Variants in RNFT2 observed in about 807,000 individuals in gnomAD.
RNFT2 encodes E3 ubiquitin-protein ligase RNFT2.
In RNFT2, 36 loss-of-function variants were observed where a neutral mutation model predicts 53.0. The ratio of observed to expected loss-of-function variants is 0.68; its 90% CI spans 0.52 to 0.90. The LOEUF is 0.90. Among genes scored for constraint, RNFT2 ranks in the 40% least tolerant of loss-of-function variants. RNFT2 has a pLI of 0.00. For synonymous variants in RNFT2, 260 were observed against 253.2 expected, an observed-to-expected ratio of 1.03 and a Z score of -0.26; for missense variants, 514 against 585.6, an observed-to-expected ratio of 0.88 and a Z score of 1.26.
intron 5 of RNFT2, among the ~76,000 whole-genome samples, chr12:116,763,735 C>T (rs1375926247): frequency 2.0e-5 from 3 of 149,850 alleles, no homozygotes; most frequent in East Asian, 2.0e-4. Context: ...GCCGAGATCG[C>T]GCCACTGCAC....
rs1872215706 is a variant in RNFT2 at position 116,750,900 on chromosome 12, ATATATATAT to A, written c.550+595_550+603del. Among the ~76,000 whole-genome samples, 4 of 10,648 alleles carry A rather than the reference ATATATATAT, an allele frequency of 3.8e-4. No individual in the cohort carries two copies. In the South Asian group the frequency reaches 0.019, roughly 51 times the overall value. 7.0% of individuals were successfully genotyped at this position (10,648 alleles called of 152,430 possible). A position where few individuals can be genotyped will look rare whatever the true frequency, so the allele number is the denominator to read the frequency against. ...TATATATTATATATATAATATATAT[ATATATATAT>A]TTTTTTTTGAGACAGGGTCTTGCTC... is the stretch of plus-strand genomic sequence containing the variant. On this transcript the variant is annotated intron_variant, in intron 4 of 10. Coordinates refer to ENST00000257575, the MANE Select transcript of RNFT2 (RefSeq NM_001382266.1).
chr12:116,765,376 A>G lies in RNFT2; in HGVS notation c.628-1438A>G, dbSNP rs140591014. On this transcript the variant is annotated intron_variant, in intron 5 of 10. Transcript: ENST00000257575. ...TGGAATAATGGGTGGATGGAGATGCATTTGTTTCGTCCACTCTCTGGAAAT... is the reference window on the plus strand; with the variant it reads ...TGGAATAATGGGTGGATGGAGATGCGTTTGTTTCGTCCACTCTCTGGAAAT... Among the ~76,000 whole-genome samples, 339 of 152,294 alleles carry G rather than the reference A, an allele frequency of 2.2e-3. 3 individuals carry two copies. The Middle Eastern group carries it at 0.024, about 11-fold the overall frequency.
At chr12:116,819,433 G>A (rs1368033253) in intron 7 of RNFT2, among the ~76,000 whole-genome samples, 2 of 152,100 alleles carry the variant, frequency 1.3e-5, no homozygotes, top group African/African-American at 4.8e-5. Context: ...TCATCGGCCG[G>A]CGCCGTCCCG....
intron 10 of RNFT2, among the ~76,000 whole-genome samples, chr12:116,838,037 GT>G (rs1385145028): frequency 1.3e-5 from 2 of 151,610 alleles, no homozygotes; most frequent in African/African-American, 4.9e-5. Flanking sequence ...AAAAACATAA[GT>G]TATAGTACAT....
chr12:116,753,142 CTTTTTCTTTT>C (rs1566070540), intron 4 of RNFT2, among the ~76,000 whole-genome samples: 4 of 70,904 alleles, frequency 5.6e-5, no homozygotes, highest in Non-Finnish European at 9.0e-5. Context: ...TTTCTTTTTT[CTTTTTCTTTT>C]TTTTTTTTTT....
At position 116,852,496 on chromosome 12, in the gene RNFT2, A is replaced by G; in HGVS notation, c.*3048A>G. The G allele has an allele frequency of 6.6e-7, 1 of 1,504,920 alleles. No homozygotes were observed. Among genetic ancestry groups the G allele is most frequent in the South Asian group, 1.3e-5 (1 of 74,572 alleles). 93.2% of individuals were successfully genotyped at this position (1,504,920 alleles called of 1,614,324 possible). Reference sequence around the variant, plus strand: ...GCGATGGCCATGATGTTACAATCCCACTTGCCTGAATAATCAAGTGGGAAG... The same window carrying G: ...GCGATGGCCATGATGTTACAATCCCGCTTGCCTGAATAATCAAGTGGGAAG... On this transcript the variant is annotated 3_prime_UTR_variant, in exon 11 of 11. Coordinates refer to ENST00000257575, the MANE Select transcript of RNFT2 (RefSeq NM_001382266.1).
chr12:116,765,778 A>G (rs1872887386), intron 5 of RNFT2, among the ~76,000 whole-genome samples: 1 of 152,178 alleles, frequency 6.6e-6, no homozygotes, highest in South Asian at 2.1e-4. Context: ...GGCTTTGAGA[A>G]TTAGGTATAT....
At chr12:116,820,612 T>C (rs1875964175) in intron 7 of RNFT2, among the ~76,000 whole-genome samples, 1 of 152,074 alleles carries the variant, frequency 6.6e-6, no homozygotes, top group African/African-American at 2.4e-5. Flanking sequence ...GCTTGTATCT[T>C]TTCTTTCTCT....
chr12:116,785,967 G>C (rs1318895449), intron 7 of RNFT2, among the ~76,000 whole-genome samples: 21 of 152,076 alleles, frequency 1.4e-4, no homozygotes, highest in Admixed American at 1.4e-3. Context: ...TGGGAAGATT[G>C]CTTGAGCCCA....
Position 116,853,360 on chromosome 12 carries a change from A to T in RNFT2, c.*3912A>T, listed in dbSNP as rs1878018232. ...TCCTTAGAAATGGACCTCTTCATGTAAAATATCTTGAGAATAATAAATGTG... is the reference window on the plus strand; with the variant it reads ...TCCTTAGAAATGGACCTCTTCATGTTAAATATCTTGAGAATAATAAATGTG... On this transcript the variant is annotated 3_prime_UTR_variant, in exon 11 of 11. Transcript: ENST00000257575. 1 of 395,512 alleles carries T rather than the reference A, an allele frequency of 2.5e-6. No individual in the cohort carries two copies. Among genetic ancestry groups the T allele is most frequent in the Non-Finnish European group, 4.5e-6 (1 of 224,656 alleles). 24.5% of individuals were successfully genotyped at this position (395,512 alleles called of 1,614,324 possible).
At chr12:116,834,201 C>G (rs1220393452) in intron 8 of RNFT2, among the ~76,000 whole-genome samples, 1 of 152,106 alleles carries the variant, frequency 6.6e-6, no homozygotes, top group Non-Finnish European at 1.5e-5. Flanking sequence ...TCACTGCAAC[C>G]TCCACTCCTG....
At position 116,853,363 on chromosome 12, in the gene RNFT2, A is replaced by G. The variant is rs1040886325; in HGVS notation, c.*3915A>G. 7.6e-6 allele frequency: 3 copies of G among 395,036 alleles called. No individual in the cohort carries two copies. Among genetic ancestry groups the G allele is most frequent in the Non-Finnish European group, 1.3e-5 (3 of 224,428 alleles). 24.5% of individuals were successfully genotyped at this position (395,036 alleles called of 1,614,324 possible). ...TTAGAAATGGACCTCTTCATGTAAA[A>G]TATCTTGAGAATAATAAATGTGAGG... On this transcript the variant is annotated 3_prime_UTR_variant, in exon 11 of 11. Coordinates refer to ENST00000257575, the MANE Select transcript of RNFT2 (RefSeq NM_001382266.1).
At chr12:116,747,627 C>T (rs1297593195) in intron 3 of RNFT2, among the ~76,000 whole-genome samples, 2 of 152,134 alleles carry the variant, frequency 1.3e-5, no homozygotes, top group Non-Finnish European at 2.9e-5. Context: ...CCATTTCGGA[C>T]TGAATAACAT....
At chr12:116,765,363 T>G (rs923502867) in intron 5 of RNFT2, among the ~76,000 whole-genome samples, 1 of 152,162 alleles carries the variant, frequency 6.6e-6, no homozygotes, top group African/African-American at 2.4e-5. Flanking sequence ...GAATAATGGG[T>G]GGATGGAGAT....
chr12:116,767,963 T>G (rs114791221), intron 6 of RNFT2, among the ~76,000 whole-genome samples: 31 of 152,310 alleles, frequency 2.0e-4, no homozygotes, highest in African/African-American at 7.2e-4. Flanking sequence ...ACATTTCAAG[T>G]GTTCAAAATG....
chr12:116,836,523 G>A (rs111902006), intron 10 of RNFT2, among the ~76,000 whole-genome samples: 4,022 of 152,232 alleles, frequency 0.026, 185 homozygotes, highest in African/African-American at 0.091. Flanking sequence ...GCCAAATTCC[G>A]TATGGTGTAA....
chr12:116,839,425 GTGGATGGATGGATGGA>G (rs148543249), intron 10 of RNFT2, among the ~76,000 whole-genome samples: 3 of 112,436 alleles, frequency 2.7e-5, no homozygotes, highest in Non-Finnish European at 5.2e-5. Flanking sequence ...GGGTGGGTGG[GTGGATGGATGGATGGA>G]TGGATGGATG....
intron 8 of RNFT2, 47 bp from the exon 9 acceptor site, chr12:116,835,913 G>A (rs35816260): frequency 0.013 from 20,718 of 1,607,640 alleles, 171 homozygotes; most frequent in Non-Finnish European, 0.016. Context: ...CAGGGGTCAC[G>A]AGTGATCCTT....
chr12:116,801,049 T>C (rs1874768855), intron 7 of RNFT2: 1 of 152,108 alleles, frequency 6.6e-6, no homozygotes, highest in Middle Eastern at 3.2e-3. Context: ...ATTTGCATGA[T>C]TTCATTTGGT....
Sources: allele counts gnomAD v4.1 joint callset (sites outside exome capture counted in the v4.1 genomes callset), GRCh38; gene constraint gnomAD v4.1.1; transcripts MANE v1.5; gene names NCBI Gene and HGNC (gene_info 2026-07-23, HGNC 2026-07-21).